The following FAM227B variants were observed in gnomAD, a reference collection of about 807,000 sequenced individuals.
FAM227B encodes family with sequence similarity 227 member B, also known as protein FAM227B.
In FAM227B, 88 loss-of-function variants were observed where a neutral mutation model predicts 73.8. The observed-to-expected ratio is 1.19, with a 90% CI of 1.00 to 1.42. FAM227B has a LOEUF of 1.42. FAM227B is among the 40% of genes most tolerant of loss of function. FAM227B has a pLI of 0.00. For missense variants in FAM227B, 632 were observed against 590.9 expected (o/e 1.07, Z -0.72); for synonymous variants, 210 against 190.5 (o/e 1.10, Z -0.84).
chr15:49,555,768 C>T (rs780953624), intron 9 of FAM227B, among the ~76,000 whole-genome samples: 8 of 152,150 alleles, frequency 5.3e-5, no homozygotes, highest in African/African-American at 1.9e-4. Flanking sequence ...TTGTATTTGT[C>T]TGATTGGTTG....
At chr15:49,455,757 T>C (rs929186733) in intron 11 of FAM227B, among the ~76,000 whole-genome samples, 3 of 152,192 alleles carry the variant, frequency 2.0e-5, no homozygotes, top group Non-Finnish European at 2.9e-5. Context: ...AAACAAAACG[T>C]GCTCCACTTT....
intron 3 of FAM227B, among the ~76,000 whole-genome samples, chr15:49,597,789 T>C (rs1287980445): frequency 6.6e-6 from 1 of 151,698 alleles, no homozygotes; most frequent in East Asian, 1.9e-4. Flanking sequence ...AAAGGGGAGA[T>C]ATTACAACTG....
intron 1 of FAM227B, among the ~76,000 whole-genome samples, chr15:49,617,329 T>G (rs991141131): frequency 4.6e-5 from 7 of 152,188 alleles, no homozygotes; most frequent in South Asian, 2.1e-4. Context: ...TTAAGACTCA[T>G]AGAGAGCTAT....
Position 49,327,725 on chromosome 15 carries a change from C to A in FAM227B, c.*843G>T. 1 of 397,316 alleles carries A rather than the reference C, an allele frequency of 2.5e-6. No homozygotes were observed. The highest frequency in any genetic ancestry group is 4.5e-6 in the Non-Finnish European group (1 of 222,948). 24.6% of individuals were successfully genotyped at this position (397,316 alleles called of 1,614,324 possible). ...AATGGGAGGAGTACTGTTGACTTAC[C>A]ACTTGGAGTCAAAACCAGGGACTAG... On this transcript the variant is annotated 3_prime_UTR_variant, in exon 16 of 16. Transcript: ENST00000299338.
chr15:49,439,658 C>G (rs535754813), intron 11 of FAM227B, among the ~76,000 whole-genome samples: 3 of 151,772 alleles, frequency 2.0e-5, no homozygotes, highest in Non-Finnish European at 4.4e-5. Flanking sequence ...AAGTAGATAG[C>G]TTTCCTTATT....
intron 11 of FAM227B, among the ~76,000 whole-genome samples, chr15:49,489,822 T>TTATATATATATATTTTATATA (rs2056786020): frequency 3.1e-5 from 1 of 32,350 alleles, no homozygotes; most frequent in Non-Finnish European, 5.8e-5. Context: ...TATATATATT[T>TTATATATATATATTTTATATA]TATATATATA....
At chr15:49,467,389 C>G (rs1412201317) in intron 11 of FAM227B, among the ~76,000 whole-genome samples, 1 of 152,066 alleles carries the variant, frequency 6.6e-6, no homozygotes, top group Non-Finnish European at 1.5e-5. Flanking sequence ...GTCACTTATA[C>G]ACAGTATAAA....
intron 9 of FAM227B, among the ~76,000 whole-genome samples, chr15:49,563,648 A>G (rs530577732): frequency 6.4e-4 from 98 of 152,314 alleles, no homozygotes; most frequent in African/African-American, 2.3e-3. Context: ...GCAGACACAC[A>G]GACAAACAGA....
At chr15:49,477,723 G>A (rs2055482339) in intron 11 of FAM227B, among the ~76,000 whole-genome samples, 1 of 152,188 alleles carries the variant, frequency 6.6e-6, no homozygotes, top group South Asian at 2.1e-4. Flanking sequence ...TATATAGTAA[G>A]AGTATGTTTA....
chr15:49,516,335 C>A (rs563924756), intron 10 of FAM227B, among the ~76,000 whole-genome samples: 1 of 151,988 alleles, frequency 6.6e-6, no homozygotes, highest in Non-Finnish European at 1.5e-5. Context: ...CAGCTTTTAG[C>A]AATTCACTAA....
At chr15:49,336,395 A>G (rs1262636731) in intron 13 of FAM227B, among the ~76,000 whole-genome samples, 11 of 152,218 alleles carry the variant, frequency 7.2e-5, no homozygotes, top group African/African-American at 2.4e-4. Flanking sequence ...ATTGGCCAAT[A>G]TTAGCAAGGA....
intron 13 of FAM227B, among the ~76,000 whole-genome samples, chr15:49,336,589 A>C (rs1053988416): frequency 2.0e-5 from 3 of 151,930 alleles, no homozygotes; most frequent in African/African-American, 7.3e-5. Context: ...AGAAAACTTT[A>C]TTTTCCATTT....
chr15:49,516,936 C>A (rs2059416767), intron 10 of FAM227B, among the ~76,000 whole-genome samples: 1 of 152,080 alleles, frequency 6.6e-6, no homozygotes, highest in Non-Finnish European at 1.5e-5. Flanking sequence ...TGAGATCAGA[C>A]ACTTATGACT....
At chr15:49,507,770 T>C (rs1196415581) in intron 11 of FAM227B, among the ~76,000 whole-genome samples, 1 of 152,070 alleles carries the variant, frequency 6.6e-6, no homozygotes, top group African/African-American at 2.4e-5. Context: ...ATGCTGTTTA[T>C]AACAAAGAGT....
chr15:49,427,018 A>G (rs769260439), intron 11 of FAM227B, among the ~76,000 whole-genome samples: 1 of 151,924 alleles, frequency 6.6e-6, no homozygotes, highest in Non-Finnish European at 1.5e-5. Flanking sequence ...TTTTTTTTCT[A>G]TAGGAAGTCC....
chr15:49,476,903 C>CA (rs1486648715), intron 11 of FAM227B, among the ~76,000 whole-genome samples: 1 of 151,582 alleles, frequency 6.6e-6, no homozygotes, highest in Non-Finnish European at 1.5e-5. Flanking sequence ...ACTAAAAATA[C>CA]AAAAAAATTA....
chr15:49,473,614 T>C (rs976487565), intron 11 of FAM227B, among the ~76,000 whole-genome samples: 7 of 152,132 alleles, frequency 4.6e-5, no homozygotes, highest in Non-Finnish European at 8.8e-5. Flanking sequence ...AATGACTCTC[T>C]ACCCCAGCAA....
intron 11 of FAM227B, among the ~76,000 whole-genome samples, chr15:49,479,639 G>A (rs2152004642): frequency 9.8e-6 from 1 of 102,206 alleles, no homozygotes; most frequent in African/African-American, 4.0e-5. Context: ...GTGAAATGGA[G>A]TCTAGCTCTT....
chr15:49,412,435 CAGG>C (rs2048930282), intron 11 of FAM227B, among the ~76,000 whole-genome samples: 1 of 151,932 alleles, frequency 6.6e-6, no homozygotes, highest in Non-Finnish European at 1.5e-5. Context: ...AATTTTCTTT[CAGG>C]TAAAATAACC....
Sources: gnomAD v4.1 joint callset for allele counts (sites outside exome capture counted in the v4.1 genomes callset) on GRCh38, gnomAD v4.1.1 for gene constraint, MANE v1.5 for transcripts, NCBI Gene and HGNC (gene_info 2026-07-23, HGNC 2026-07-21) for gene names.